Variants in KCP observed in about 807,000 individuals in gnomAD.
KCP encodes the protein kielin/chordin-like protein.
KCP carries 194 observed loss-of-function variants against 212.7 expected under a neutral mutation model. The ratio of observed to expected loss-of-function variants is 0.91; its 90% CI spans 0.81 to 1.03. KCP has a LOEUF of 1.03. KCP is among the 50% of genes least tolerant of loss of function. KCP has a pLI of 0.00. For synonymous variants in KCP, 833 were observed against 865.3 expected (o/e 0.96, Z 0.65); for missense variants, 2,080 against 2,162.5 (o/e 0.96, Z 0.76).
At chr7:128,889,168 T>C in intron 21 of KCP, 129 bp from the exon 22 acceptor site, 1 of 251,052 alleles carries the variant, frequency 4.0e-6, no homozygotes, top group Non-Finnish European at 6.0e-6. Context: ...GGCTGGGGGG[T>C]CACAGGCCAA....
In KCP at chr7:128,890,442, A is replaced by G. The variant is rs1401200254; in HGVS notation, c.2236T>C (p.Cys746Arg). ...FPSPTAACHL[C>R]LCWEGSVSCE... ...CTCACGCTGCCCTCCCAGCAAAGGC[A>G]GAGGTGGCAGGCAGCAGTGGGCGAT... Residue 746 changes from cysteine to arginine, a missense_variant, in exon 21 of 40, where the codon TGC becomes CGC. Cys to Arg is a radical substitution (Grantham distance 180). Coordinates refer to ENST00000610776, the MANE Select transcript of KCP (RefSeq NM_001366122.1). 7.7e-6 allele frequency: 12 copies of G among 1,551,020 alleles called. No homozygotes were observed. Among genetic ancestry groups the G allele is most frequent in the Non-Finnish European group, 1.0e-5 (12 of 1,146,976 alleles).
In KCP at chr7:128,891,485, T is replaced by TG; in HGVS notation, c.1843dup (p.His615ProfsTer4). On this transcript the variant is annotated frameshift_variant, in exon 18 of 40. Coordinates refer to ENST00000610776, the MANE Select transcript of KCP (RefSeq NM_001366122.1). LOFTEE classifies it high-confidence loss of function. Reference sequence around the variant, plus strand: ...ACACAGACGGCAGGGGTCAGAGGGGTGGGGGAAGTCCGCTCCGCTGGGGTA... The same window carrying TG: ...ACACAGACGGCAGGGGTCAGAGGGGTGGGGGGAAGTCCGCTCCGCTGGGGTA... 6.5e-7 allele frequency: 1 copy of TG among 1,549,330 alleles called. No individual in the cohort carries two copies. The highest frequency in any genetic ancestry group is 1.4e-5 in the African/African-American group (1 of 72,782).
Position 128,881,945 on chromosome 7 carries a change from G to A in KCP, c.3316C>T (p.Gln1106Ter), listed in dbSNP as rs900388433. 7.7e-6 allele frequency: 12 copies of A among 1,551,312 alleles called. No individual in the cohort carries two copies. The highest frequency in any genetic ancestry group is 1.0e-5 in the Non-Finnish European group (12 of 1,146,918). The change falls in exon 30 of 40, where the codon CAG becomes TAG. Residue 1106 changes from glutamine (Q) to a stop codon, truncating the protein, a stop_gained. Coordinates refer to ENST00000610776, the MANE Select transcript of KCP (RefSeq NM_001366122.1). LOFTEE classifies it high-confidence loss of function. ...LAPPDPCYTCQCQDLTWLCIH... is the reference protein window; with the variant it reads ...LAPPDPCYTC Reference sequence around the variant, plus strand: ...AAGGCAGGAGGGCTCACCTGGCACTGGCACGTGTAGCAGGGGTCTGGTGGG... The same window carrying A: ...AAGGCAGGAGGGCTCACCTGGCACTAGCACGTGTAGCAGGGGTCTGGTGGG...
In KCP at chr7:128,886,544, C is replaced by T. The variant is rs1185286173; in HGVS notation, c.2786G>A (p.Ser929Asn). 1 of 1,551,120 alleles carries T rather than the reference C, an allele frequency of 6.4e-7. No individual in the cohort carries two copies. Among genetic ancestry groups the T allele is most frequent in the Non-Finnish European group, 8.7e-7 (1 of 1,146,776 alleles). The change falls in exon 26 of 40, where the codon AGC becomes AAC. Residue 929 changes from serine (S) to asparagine (N), a missense_variant. Transcript: ENST00000610776. Reference protein sequence around the residue: ...EWCRCQAGQVSCVRLQCPPLP... With the variant: ...EWCRCQAGQVNCVRLQCPPLP... Reference sequence around the variant, plus strand: ...GGGTGGGCACTGCAGCCGCACACAGCTGACCTGGCCAGCCTGTAGGAGATG... The same window carrying T: ...GGGTGGGCACTGCAGCCGCACACAGTTGACCTGGCCAGCCTGTAGGAGATG...
rs1202715888 is a variant in KCP at position 128,880,489 on chromosome 7, G to T, written c.3656C>A (p.Ala1219Asp). 1.3e-6 allele frequency: 2 copies of T among 1,534,042 alleles called. No individual in the cohort carries two copies. Among genetic ancestry groups the T allele is most frequent in the South Asian group, 2.4e-5 (2 of 82,948 alleles). The change falls in exon 34 of 40, where the codon GCC becomes GAC. Residue 1219 changes from alanine (A) to aspartate (D), a missense_variant. Ala to Asp is a moderately radical substitution (Grantham distance 126, BLOSUM62 -2). Coordinates refer to ENST00000610776, the MANE Select transcript of KCP (RefSeq NM_001366122.1). The stretch of plus-strand genomic sequence containing the variant: ...GTCCACAGTCCAGCGCTCTCCAGAG[G>T]CCACCTCACGGCCCTGGTGCACGCA... ...QSCVHQGREV[A>D]SGERWTVDTC...
At position 128,892,921 on chromosome 7, in the gene KCP, G is replaced by A. The variant is rs567771266; in HGVS notation, c.1368C>T (p.Cys456=). 82 of 1,507,692 alleles carry A rather than the reference G, an allele frequency of 5.4e-5. No individual in the cohort carries two copies. Among genetic ancestry groups the A allele is most frequent in the Non-Finnish European group, 6.8e-5 (75 of 1,107,160 alleles). The allele number at this position is 1,507,692 out of a possible 1,614,324, so 93.4% of individuals were successfully genotyped here. ...GGGCTGGGGGGCAGAGCACAGCCCCGCACTTGGGTACCCCATCTTGACAGA... is the reference window on the plus strand; with the variant it reads ...GGGCTGGGGGGCAGAGCACAGCCCCACACTTGGGTACCCCATCTTGACAGA... ...ACVCQDGVPK[C]GAVLCPPAPC... The change falls in exon 14 of 40, where the codon TGC becomes TGT. Residue 456 remains cysteine (C), a synonymous_variant. Coordinates refer to ENST00000610776, the MANE Select transcript of KCP (RefSeq NM_001366122.1).
At chr7:128,905,341 A>G (rs1795070567) in intron 5 of KCP, among the ~76,000 whole-genome samples, 1 of 152,264 alleles carries the variant, frequency 6.6e-6, no homozygotes, top group Admixed American at 6.5e-5. Context: ...CTAGACTTTC[A>G]TTTGCTAAAT....
rs764176175 is a variant in KCP, at chr7:128,879,630, G to C, written c.4045-7C>G. 5.2e-6 allele frequency: 8 copies of C among 1,550,034 alleles called. No homozygotes were observed. In the South Asian group the frequency reaches 9.5e-5, roughly 18 times the overall value. On this transcript the variant is annotated splice_region_variant and splice_polypyrimidine_tract_variant and intron_variant, in intron 36 of 39. Transcript: ENST00000610776. ...CCACCGGGTGCCCATCCACCTGGAG[G>C]ATAAAGGAGGTGGGAGGAGGGGTGA...
rs1794090139 is a variant in KCP, at chr7:128,891,082, CG to C, written c.1986del (p.Ala663ProfsTer91). ...CCPQCPAAPA[P>X]AGCPRPGAAH... is the part of the protein sequence containing the mutation. ...GCCGCGCCGGGCCGTGGGCAGCCGG[CG>C]GGGGCTGGGGCGGCTGCGGCGAGAC... On this transcript the variant is annotated frameshift_variant, in exon 20 of 40. Transcript: ENST00000610776. LOFTEE classifies it high-confidence loss of function. 7.0e-7 allele frequency: 1 copy of C among 1,419,736 alleles called. No homozygotes were observed. 87.9% of individuals were successfully genotyped at this position (1,419,736 alleles called of 1,614,324 possible).
intron 5 of KCP, among the ~76,000 whole-genome samples, chr7:128,905,170 C>T (rs571739800): frequency 2.4e-3 from 363 of 152,174 alleles, no homozygotes; most frequent in Non-Finnish European, 2.9e-3. Context: ...ACTCCTCTCT[C>T]GGAGGGGCTT....
At position 128,879,815 on chromosome 7, in the gene KCP, T is replaced by C. The variant is rs749516094; in HGVS notation, c.3947A>G (p.Asn1316Ser). Residue 1316 changes from asparagine to serine, a missense_variant, in exon 36 of 40, where the codon AAT becomes AGT. Coordinates refer to ENST00000610776, the MANE Select transcript of KCP (RefSeq NM_001366122.1). Reference protein sequence around the residue: ...HSGDFSVHVTNDDRGRSGVAW... With the variant: ...HSGDFSVHVTSDDRGRSGVAW... ...CACACCGCTCCGGCCCCGGTCATCA[T>C]TGGTCACGTGCACACTGTGGGCAGG... 2.1e-5 allele frequency: 33 copies of C among 1,550,734 alleles called. No homozygotes were observed. Among genetic ancestry groups the C allele is most frequent in the East Asian group, 4.9e-5 (2 of 40,918 alleles).
In KCP at chr7:128,876,950, A is replaced by G. The variant is rs1360764565; in HGVS notation, c.*93T>C. On this transcript the variant is annotated 3_prime_UTR_variant, in exon 40 of 40. Transcript: ENST00000610776. ...GGGGCCCAGGCTCCAGTGTCCAGGC[A>G]GGGCATTCTCTCCATAGCCCTAACC... 3 of 1,416,032 alleles carry G rather than the reference A, an allele frequency of 2.1e-6. No homozygotes were observed. The highest frequency in any genetic ancestry group is 2.8e-6 in the Non-Finnish European group (3 of 1,065,088). The allele number at this position is 1,416,032 out of a possible 1,614,324, so 87.7% of individuals were successfully genotyped here.
chr7:128,880,121 C>T (rs1328168944), intron 34 of KCP, 36 bp from the exon 35 acceptor site: 1 of 1,488,450 alleles, frequency 6.7e-7, no homozygotes, highest in Admixed American at 2.1e-5. Flanking sequence ...GACACACCGC[C>T]CTCCCCGCCA....
intron 37 of KCP, 93 bp from the exon 38 acceptor site, chr7:128,878,815 C>CCTG: frequency 7.8e-7 from 1 of 1,287,630 alleles, no homozygotes; most frequent in Non-Finnish European, 1.1e-6. Context: ...GTGTTCAGTG[C>CCTG]GGCCAGTGCT....
chr7:128,890,324 C>T lies in KCP; in HGVS notation c.2335+19G>A. On this transcript the variant is annotated intron_variant, in intron 21 of 39. Coordinates refer to ENST00000610776, the MANE Select transcript of KCP (RefSeq NM_001366122.1). ...CTCCCGCATCCCACCCCGGCAGCTC[C>T]CTATCCCATGACCCTCACCATCACA... 6.4e-7 allele frequency: 1 copy of T among 1,551,560 alleles called. No homozygotes were observed. Among genetic ancestry groups the T allele is most frequent in the South Asian group, 1.2e-5 (1 of 84,062 alleles).
chr7:128,880,103 C>A lies in KCP; in HGVS notation c.3760-18G>T. The A allele has an allele frequency of 6.6e-7, 1 of 1,505,570 alleles. No homozygotes were observed. Among genetic ancestry groups the A allele is most frequent in the East Asian group, 2.5e-5 (1 of 40,340 alleles). 93.3% of individuals were successfully genotyped at this position (1,505,570 alleles called of 1,614,324 possible). A position where few individuals can be genotyped will look rare whatever the true frequency, so the allele number is the denominator to read the frequency against. The stretch of plus-strand genomic sequence containing the variant: ...GCCTTGTCCTGCACTCAGCCCCAGA[C>A]ACTGTCAGACACACCGCCCTCCCCG... On this transcript the variant is annotated intron_variant, in intron 34 of 39. Transcript: ENST00000610776.
chr7:128,892,902 G>C lies in KCP; in HGVS notation c.1387C>G (p.Pro463Ala), dbSNP rs771189428. 5 of 1,539,800 alleles carry C rather than the reference G, an allele frequency of 3.2e-6. No homozygotes were observed. The highest frequency in any genetic ancestry group is 2.4e-5 in the East Asian group (1 of 40,874). The change falls in exon 14 of 40, where the codon CCA (proline) becomes GCA (alanine). Residue 463 changes from proline to alanine, a missense_variant. Transcript: ENST00000610776. ...VPKCGAVLCPPAPCQHPTQPP... is the reference protein window; with the variant it reads ...VPKCGAVLCPAAPCQHPTQPP... ...TGGGTGGGGTGCTGGCAGGGGGCTG[G>C]GGGGCAGAGCACAGCCCCGCACTTG...
rs1301150499 is a variant in KCP, at chr7:128,891,468, G to C, written c.1861C>G (p.Arg621Gly). The change falls in exon 18 of 40, where the codon CGT becomes GGT. Residue 621 changes from arginine (R) to glycine (G), a missense_variant. Physicochemically the swap from Arg to Gly is moderately radical, Grantham distance 125. Transcript: ENST00000610776. The part of the protein sequence containing the change: ...ADFPHPSDPC[R>G]LCRCLSGNVQ... ...AGACTCACCAGACAGCGACACAGAC[G>C]GCAGGGGTCAGAGGGGTGGGGGAAG... 1 of 1,550,382 alleles carries C rather than the reference G, an allele frequency of 6.5e-7. No individual in the cohort carries two copies. The highest frequency in any genetic ancestry group is 2.0e-5 in the Admixed American group (1 of 50,976).
At chr7:128,909,136 G>A (rs1267916950) in intron 1 of KCP, among the ~76,000 whole-genome samples, 2 of 152,202 alleles carry the variant, frequency 1.3e-5, no homozygotes, top group East Asian at 3.9e-4. Context: ...GCACCTCTGA[G>A]CTCTGGCCTG....
Sources: allele counts gnomAD v4.1 joint callset (sites outside exome capture counted in the v4.1 genomes callset), GRCh38; gene constraint gnomAD v4.1.1; transcripts MANE v1.5; gene names NCBI Gene and HGNC (gene_info 2026-07-23, HGNC 2026-07-21).